COBL: variants seen among roughly 807,000 people sequenced by gnomAD.
The protein encoded by COBL is protein cordon-bleu.
COBL carries 51 observed loss-of-function variants against 98.8 expected under a neutral mutation model. The ratio of observed to expected loss-of-function variants is 0.52; its 90% confidence interval spans 0.41 to 0.65. The LOEUF is 0.65. Ranked by LOEUF, COBL falls within the 30% of genes least tolerant of loss-of-function variation. COBL has a pLI of 0.00. For missense variants in COBL, 1,617 were observed against 1,617.5 expected, an observed-to-expected ratio of 1.00 and a Z score of 0.01; for synonymous variants, 634 against 651.7, an observed-to-expected ratio of 0.97 and a Z score of 0.41.
intron 6 of COBL, among the ~76,000 whole-genome samples, chr7:51,088,144 C>T (rs1794461631): frequency 6.6e-6 from 1 of 152,122 alleles, no homozygotes; most frequent in South Asian, 2.1e-4. Flanking sequence ...GGGCTCTTTT[C>T]ATTCATTGTC....
intron 12 of COBL, 57 bp downstream of exon 12, chr7:51,025,052 A>C: frequency 6.2e-7 from 1 of 1,608,856 alleles, no homozygotes; most frequent in South Asian, 1.1e-5. Context: ...CCCTGGATCT[A>C]CGCTGCACCT....
At chr7:51,296,104 T>G (rs1801399180) in intron 1 of COBL, among the ~76,000 whole-genome samples, 1 of 152,226 alleles carries the variant, frequency 6.6e-6, no homozygotes, top group Non-Finnish European at 1.5e-5. Context: ...TGAAGCACTT[T>G]GCACATATCT....
chr7:51,083,144 TA>T, intron 7 of COBL: 2 of 1,395,960 alleles, frequency 1.4e-6, no homozygotes, highest in Non-Finnish European at 9.3e-7. Flanking sequence ...GGGAGGAGGG[TA>T]GGGCGGGGGT....
intron 1 of COBL, among the ~76,000 whole-genome samples, chr7:51,270,565 A>T (rs1682099421): frequency 6.6e-6 from 1 of 152,244 alleles, no homozygotes; most frequent in Non-Finnish European, 1.5e-5. Flanking sequence ...GGATAAACAG[A>T]TAATGCAAAT....
At chr7:51,203,183 C>G (rs1791303045) in intron 2 of COBL, among the ~76,000 whole-genome samples, 1 of 151,648 alleles carries the variant, frequency 6.6e-6, no homozygotes, top group Non-Finnish European at 1.5e-5. Context: ...GCAAAGATAA[C>G]TGAAATAGAG....
At chr7:51,219,672 G>GC in intron 2 of COBL, 69 bp downstream of exon 2, 1 of 1,501,934 alleles carries the variant, frequency 6.7e-7, no homozygotes, top group Non-Finnish European at 9.1e-7. Flanking sequence ...ATCAACATCC[G>GC]CCTTTCCATT....
chr7:51,272,649 T>C (rs1160133285), intron 1 of COBL, among the ~76,000 whole-genome samples: 1 of 152,102 alleles, frequency 6.6e-6, no homozygotes, highest in Admixed American at 6.6e-5. Context: ...ATCAGTGAAA[T>C]TGCGCTTGGA....
At chr7:51,311,879 T>G (rs576234078) in intron 1 of COBL, among the ~76,000 whole-genome samples, 2 of 152,190 alleles carry the variant, frequency 1.3e-5, no homozygotes, top group East Asian at 3.9e-4. Flanking sequence ...AAGCTTTCAG[T>G]GGGTCATGAA....
intron 1 of COBL, among the ~76,000 whole-genome samples, chr7:51,225,456 T>C (rs972125244): frequency 6.6e-6 from 1 of 152,142 alleles, no homozygotes; most frequent in Non-Finnish European, 1.5e-5. Flanking sequence ...GCACACAGGC[T>C]GGGTAATCCA....
chr7:51,313,168 A>C (rs1803217303), intron 1 of COBL, among the ~76,000 whole-genome samples: 1 of 152,208 alleles, frequency 6.6e-6, no homozygotes, highest in Non-Finnish European at 1.5e-5. Flanking sequence ...GAAAGAATGT[A>C]AACACTTTCT....
intron 1 of COBL, among the ~76,000 whole-genome samples, chr7:51,239,548 C>T (rs568415033): frequency 2.6e-5 from 4 of 152,292 alleles, no homozygotes; most frequent in South Asian, 4.2e-4. Flanking sequence ...CCAGGACTCG[C>T]GCTACTGCTC....
intron 5 of COBL, among the ~76,000 whole-genome samples, chr7:51,155,096 A>C (rs1223044522): frequency 6.6e-6 from 1 of 152,214 alleles, no homozygotes; most frequent in Non-Finnish European, 1.5e-5. Context: ...AATTAACTCC[A>C]ATGTTTTAAC....
chr7:51,151,685 T>A (rs1785577194), intron 5 of COBL, among the ~76,000 whole-genome samples: 2 of 152,238 alleles, frequency 1.3e-5, no homozygotes, highest in Admixed American at 1.3e-4. Context: ...CCCTGTAATT[T>A]CCTGGTCAAG....
At position 51,168,318 on chromosome 7, in the gene COBL, C is replaced by T. The variant is rs1787522215; in HGVS notation, c.783+15784G>A. On this transcript the variant is annotated intron_variant, in intron 5 of 12. Transcript: ENST00000265136. ...GGGCATGCTGGTACATGCCTGTAGTCCCAGCTACTTGAGAGGCTGAGGCAG... is the reference window on the plus strand; with the variant it reads ...GGGCATGCTGGTACATGCCTGTAGTTCCAGCTACTTGAGAGGCTGAGGCAG... Among the ~76,000 whole-genome samples, 10 of 152,034 alleles carry T rather than the reference C, an allele frequency of 6.6e-5. No homozygotes were observed. In the South Asian group the frequency reaches 2.1e-3, roughly 32 times the overall value.
chr7:51,193,964 C>G (rs1156430812), intron 2 of COBL, among the ~76,000 whole-genome samples: 7 of 152,040 alleles, frequency 4.6e-5, no homozygotes, highest in Non-Finnish European at 1.0e-4. Flanking sequence ...TTTGATTTAA[C>G]TTTTAAGTTC....
At chr7:51,094,920 TAAATTGTTA>T (rs949299828) in intron 6 of COBL, among the ~76,000 whole-genome samples, 1 of 152,238 alleles carries the variant, frequency 6.6e-6, no homozygotes, top group African/African-American at 2.4e-5. Context: ...TTACTGAAGT[TAAATTGTTA>T]TCAATTTAAA....
intron 5 of COBL, among the ~76,000 whole-genome samples, chr7:51,139,135 G>C (rs1799510274): frequency 6.6e-6 from 1 of 152,048 alleles, no homozygotes; most frequent in African/African-American, 2.4e-5. Flanking sequence ...TATTTTTTAA[G>C]GTAAGGAATG....
intron 5 of COBL, among the ~76,000 whole-genome samples, chr7:51,159,672 G>A (rs1304242574): frequency 6.6e-6 from 1 of 152,128 alleles, no homozygotes; most frequent in East Asian, 1.9e-4. Context: ...CACATTTTCA[G>A]CCAAGTGGTG....
intron 1 of COBL, among the ~76,000 whole-genome samples, chr7:51,248,068 G>T (rs146833687): frequency 1.3e-5 from 2 of 151,992 alleles, no homozygotes; most frequent in African/African-American, 4.8e-5. Context: ...GAGTCAGGGA[G>T]GGGGAGGCTG....
Sources: gnomAD v4.1 joint callset for allele counts (sites outside exome capture counted in the v4.1 genomes callset) on GRCh38, gnomAD v4.1.1 for gene constraint, MANE v1.5 for transcripts, NCBI Gene and HGNC (gene_info 2026-07-23, HGNC 2026-07-21) for gene names.